Variants in TENT5B observed in about 807,000 individuals in gnomAD.
TENT5B encodes terminal nucleotidyltransferase 5B, also known as family with sequence similarity 46 member B.
In TENT5B, 12 loss-of-function variants were observed where a neutral mutation model predicts 21.7. The observed-to-expected ratio is 0.55, with a 90% confidence interval of 0.36 to 0.90. TENT5B has a LOEUF of 0.90. TENT5B is among the 40% of genes least tolerant of loss of function. The pLI, the probability that TENT5B is intolerant of heterozygous loss-of-function variation, is 0.01. For synonymous variants in TENT5B, 262 were observed against 266.6 expected (o/e 0.98, Z 0.17); for missense variants, 540 against 601.5 (o/e 0.90, Z 1.07).
At chr1:27,007,399 T>A (rs1570782476) in intron 1 of TENT5B, among the ~76,000 whole-genome samples, 1 of 151,798 alleles carries the variant, frequency 6.6e-6, no homozygotes, top group African/African-American at 2.4e-5. Flanking sequence ...CAAGTCTTTT[T>A]TTTTTTTTTT....
chr1:27,006,960 G>A lies in TENT5B; in HGVS notation c.265-3C>T, dbSNP rs373655071. On this transcript the variant is annotated splice_polypyrimidine_tract_variant and splice_region_variant and intron_variant, in intron 1 of 1. Coordinates refer to ENST00000289166, the MANE Select transcript of TENT5B (RefSeq NM_052943.4). The surrounding 1 kb of genome is among the most constrained non-coding windows in gnomAD (Gnocchi z 9.4). The stretch of plus-strand genomic sequence containing the variant: ...TCCTCCAGGGTGCTGCGGACCACCT[G>A]CAGGGGAGAGCAGGAAGGAGAGGTG... 1.9e-5 allele frequency: 30 copies of A among 1,566,682 alleles called. No homozygotes were observed. The highest frequency in any genetic ancestry group is 6.0e-5 in the South Asian group (5 of 83,970).
rs958823113 is a variant in TENT5B at position 27,012,619 on chromosome 1, C to T, written c.52G>A (p.Val18Met). Reference protein sequence around the residue: ...AERRDRAAAQVGTAAATAVAT... With the variant: ...AERRDRAAAQMGTAAATAVAT... ...ACCGCCGTGGCCGCAGCCGTCCCCA[C>T]CTGAGCAGCCGCCCGGTCCCTGCGC... Residue 18 changes from valine to methionine, a missense_variant, in exon 1 of 2, where the codon GTG becomes ATG. Transcript: ENST00000289166. 9 of 1,519,322 alleles carry T rather than the reference C, an allele frequency of 5.9e-6. No homozygotes were observed. The highest frequency in any genetic ancestry group is 5.7e-5 in the African/African-American group (4 of 70,750). 94.1% of individuals were successfully genotyped at this position (1,519,322 alleles called of 1,614,324 possible). A position where few individuals can be genotyped will look rare whatever the true frequency, so the allele number is the denominator to read the frequency against.
chr1:27,006,315 G>A lies in TENT5B; in HGVS notation c.907C>T (p.Arg303Cys). 3 of 1,611,002 alleles carry A rather than the reference G, an allele frequency of 1.9e-6. No homozygotes were observed. The highest frequency in any genetic ancestry group is 2.5e-6 in the Non-Finnish European group (3 of 1,178,646). Reference sequence around the variant, plus strand: ...ATGAAGAAGCGGGAGCACATGTAGCGCTGCAGGGCGCGCACATCGGTGCTG... The same window carrying A: ...ATGAAGAAGCGGGAGCACATGTAGCACTGCAGGGCGCGCACATCGGTGCTG... ...RPSTDVRALQ[R>C]YMCSRFFIDF... Residue 303 changes from arginine to cysteine, a missense_variant, in exon 2 of 2, where the codon CGC becomes TGC. By Grantham distance (180) the Arg-to-Cys change is radical (BLOSUM62 -3). Coordinates refer to ENST00000289166, the MANE Select transcript of TENT5B (RefSeq NM_052943.4). This position sits in a 1 kb window ranked among gnomAD's most constrained non-coding sequence, Gnocchi z 9.4.
chr1:27,006,923 T>G lies in TENT5B; in HGVS notation c.299A>C (p.His100Pro), dbSNP rs765646695. The part of the protein sequence containing the change: ...VRSTLEEQGL[H>P]VHSVRLHGSA... ...ACCATGCAGCCGCACACTGTGCACA[T>G]GTAGTCCCTGCTCCTCCAGGGTGCT... Residue 100 changes from histidine to proline, a missense_variant, in exon 2 of 2, where the codon CAT becomes CCT. Physicochemically the swap from His to Pro is moderately conservative, Grantham distance 77. Transcript: ENST00000289166. This position sits in a 1 kb window ranked among gnomAD's most constrained non-coding sequence, Gnocchi z 9.4. 1.3e-5 allele frequency: 21 copies of G among 1,603,460 alleles called. No homozygotes were observed. The highest frequency in any genetic ancestry group is 1.7e-5 in the Non-Finnish European group (20 of 1,172,928).
Position 27,012,758 on chromosome 1 carries a change from C to CG in TENT5B, c.-89dup, listed in dbSNP as rs1336767416. 1.3e-5 allele frequency: 17 copies of CG among 1,263,690 alleles called. No individual in the cohort carries two copies. Among genetic ancestry groups the CG allele is most frequent in the Non-Finnish European group, 1.6e-5 (16 of 994,120 alleles). 78.3% of individuals were successfully genotyped at this position (1,263,690 alleles called of 1,614,324 possible). A position where few individuals can be genotyped will look rare whatever the true frequency, so the allele number is the denominator to read the frequency against. On this transcript the variant is annotated 5_prime_UTR_variant, in exon 1 of 2. Coordinates refer to ENST00000289166, the MANE Select transcript of TENT5B (RefSeq NM_052943.4). ...GAGAGCGGCTGGGCAGGGGCCAAGG[C>CG]GGGGGGCACGAAGGCAGGGACGGGG...
At chr1:27,007,982 T>C (rs1473788297) in intron 1 of TENT5B, among the ~76,000 whole-genome samples, 2 of 152,116 alleles carry the variant, frequency 1.3e-5, no homozygotes, top group Non-Finnish European at 2.9e-5. Context: ...TCATCCTAAC[T>C]CATCCTTACA....
At chr1:27,007,399 T>C (rs1570782476) in intron 1 of TENT5B, among the ~76,000 whole-genome samples, 1 of 151,916 alleles carries the variant, frequency 6.6e-6, no homozygotes, top group Non-Finnish European at 1.5e-5. Context: ...CAAGTCTTTT[T>C]TTTTTTTTTT....
rs1240895155 is a variant in TENT5B, at chr1:27,012,435, A to G, written c.236T>C (p.Leu79Pro). ...PIHGRGNFPT[L>P]SVQPRQIVQV... ...CACGATCTGCCGGGGCTGCACGCTC[A>G]GCGTGGGGAAGTTGCCGCGCCCGTG... The change falls in exon 1 of 2, where the codon CTG (leucine) becomes CCG (proline). Residue 79 changes from leucine to proline, a missense_variant. Coordinates refer to ENST00000289166, the MANE Select transcript of TENT5B (RefSeq NM_052943.4). 2 of 1,613,064 alleles carry G rather than the reference A, an allele frequency of 1.2e-6. No homozygotes were observed. The highest frequency in any genetic ancestry group is 1.3e-5 in the African/African-American group (1 of 75,046).
rs1186602684 is a variant in TENT5B, at chr1:27,012,440, G to A, written c.231C>T (p.Pro77=). ...TCTGCCGGGGCTGCACGCTCAGCGT[G>A]GGGAAGTTGCCGCGCCCGTGAATGG... ...PIPIHGRGNF[P]TLSVQPRQIV... The change falls in exon 1 of 2, where the codon CCC becomes CCT. Residue 77 remains proline, a synonymous_variant. Transcript: ENST00000289166. 9 of 1,613,124 alleles carry A rather than the reference G, an allele frequency of 5.6e-6. No individual in the cohort carries two copies. Among genetic ancestry groups the A allele is most frequent in the Middle Eastern group, 1.7e-4 (1 of 6,060 alleles).
In TENT5B at chr1:27,006,111, C is replaced by T. The variant is rs745768470; in HGVS notation, c.1111G>A (p.Ala371Thr). ...ERRQTLDLIA[A>T]LALQALAEQG... is the part of the protein sequence containing the mutation. ...TCAGCCAGTGCCTGCAGCGCCAGTG[C>T]GGCAATGAGGTCCAGCGTCTGGCGG... Residue 371 changes from alanine (A) to threonine (T), a missense_variant, in exon 2 of 2, where the codon GCA (alanine) becomes ACA (threonine). Physicochemically the swap from Ala to Thr is moderately conservative, Grantham distance 58. Transcript: ENST00000289166. This position sits in a 1 kb window ranked among gnomAD's most constrained non-coding sequence, Gnocchi z 9.4. The T allele has an allele frequency of 1.2e-6, 2 of 1,608,758 alleles. No homozygotes were observed. Among genetic ancestry groups the T allele is most frequent in the Non-Finnish European group, 1.7e-6 (2 of 1,176,898 alleles).
At chr1:27,011,154 T>C (rs916718404) in intron 1 of TENT5B, among the ~76,000 whole-genome samples, 3 of 151,962 alleles carry the variant, frequency 2.0e-5, no homozygotes, top group African/African-American at 7.3e-5. Context: ...AGCCGAGGAA[T>C]GCCTCGGCGA....
In TENT5B at chr1:27,012,727, G is replaced by T; in HGVS notation, c.-57C>A. The T allele has an allele frequency of 7.1e-7, 1 of 1,414,538 alleles. No homozygotes were observed. The highest frequency in any genetic ancestry group is 1.5e-5 in the South Asian group (1 of 66,540). The allele number at this position is 1,414,538 out of a possible 1,614,324, so 87.6% of individuals were successfully genotyped here. ...CCGTGGGGGTGGTTAAGGGGAGGAGGACAGGGAGAGCGGCTGGGCAGGGGC... is the reference window on the plus strand; with the variant it reads ...CCGTGGGGGTGGTTAAGGGGAGGAGTACAGGGAGAGCGGCTGGGCAGGGGC... On this transcript the variant is annotated 5_prime_UTR_variant, in exon 1 of 2. Coordinates refer to ENST00000289166, the MANE Select transcript of TENT5B (RefSeq NM_052943.4).
In TENT5B at chr1:27,006,452, G is replaced by A. The variant is rs778532018; in HGVS notation, c.770C>T (p.Ala257Val). The A allele has an allele frequency of 3.1e-6, 5 of 1,613,734 alleles. No individual in the cohort carries two copies. In the Admixed American group the frequency reaches 6.7e-5, roughly 22 times the overall value. The change falls in exon 2 of 2, where the codon GCC (alanine) becomes GTC (valine). Residue 257 changes from alanine (A) to valine (V), a missense_variant. Coordinates refer to ENST00000289166, the MANE Select transcript of TENT5B (RefSeq NM_052943.4). The surrounding 1 kb of genome is among the most constrained non-coding windows in gnomAD (Gnocchi z 9.4). ...GESLYGDFTE[A>V]LEHLRHRVIA... is the part of the protein sequence containing the mutation. ...GACACGGTGCCGCAGGTGCTCCAGG[G>A]CCTCGGTGAAGTCCCCGTACAGGCT...
Position 27,005,956 on chromosome 1 carries a change from C to T in TENT5B, c.1266G>A (p.Leu422=). 1 of 1,561,446 alleles carries T rather than the reference C, an allele frequency of 6.4e-7. No individual in the cohort carries two copies. The highest frequency in any genetic ancestry group is 8.7e-7 in the Non-Finnish European group (1 of 1,149,902). ...GCCAGGGTCTGAGTCAGTTACAAGG[C>T]AGCCAGGTGGGATAGGCGTGAGCCA... is the stretch of plus-strand genomic sequence containing the variant. ...PLLAHAYPTW[L]PCN is the part of the protein sequence containing the mutation. Residue 422 remains leucine (L), a synonymous_variant, in exon 2 of 2, where the codon CTG becomes CTA. Transcript: ENST00000289166.
At position 27,005,273 on chromosome 1, in the gene TENT5B, T is replaced by C. The variant is rs2082590956; in HGVS notation, c.*671A>G. The C allele has an allele frequency of 6.6e-6, 1 of 152,616 alleles. No homozygotes were observed. The highest frequency in any genetic ancestry group is 2.1e-4 in the South Asian group (1 of 4,832). 9.5% of individuals were successfully genotyped at this position (152,616 alleles called of 1,614,324 possible). ...GTGGCACCCTGGAAGGGGCCTGGGC[T>C]GCGACCCACCCTGGGCTGCTTGGCT... On this transcript the variant is annotated 3_prime_UTR_variant, in exon 2 of 2. Transcript: ENST00000289166.
In TENT5B at chr1:27,006,206, C is replaced by T. The variant is rs2082597357; in HGVS notation, c.1016G>A (p.Arg339His). ...GTGCAGTGTCACCAGGCAGGCGTAACGGCGGGCTGCATCTGCCCCACCGAA... is the reference window on the plus strand; with the variant it reads ...GTGCAGTGTCACCAGGCAGGCGTAATGGCGGGCTGCATCTGCCCCACCGAA... ...AHFGGADAAR[R>H]YACLVTLHRV... Residue 339 changes from arginine to histidine, a missense_variant, in exon 2 of 2, where the codon CGT becomes CAT. Arg to His is a conservative substitution (Grantham distance 29). Coordinates refer to ENST00000289166, the MANE Select transcript of TENT5B (RefSeq NM_052943.4). This position sits in a 1 kb window ranked among gnomAD's most constrained non-coding sequence, Gnocchi z 9.4. 1.6e-5 allele frequency: 25 copies of T among 1,608,640 alleles called. No individual in the cohort carries two copies. The highest frequency in any genetic ancestry group is 2.0e-5 in the Non-Finnish European group (24 of 1,178,366).
At position 27,005,810 on chromosome 1, in the gene TENT5B, C is replaced by T; in HGVS notation, c.*134G>A. ...CGTGCTCGGGAAAGTCTGGTCTGTTCAATCAAAGGCCCAACCCTGCAGTGC... is the reference window on the plus strand; with the variant it reads ...CGTGCTCGGGAAAGTCTGGTCTGTTTAATCAAAGGCCCAACCCTGCAGTGC... On this transcript the variant is annotated 3_prime_UTR_variant, in exon 2 of 2. Transcript: ENST00000289166. 7.9e-7 allele frequency: 1 copy of T among 1,260,512 alleles called. No homozygotes were observed. Among genetic ancestry groups the T allele is most frequent in the Admixed American group, 2.9e-5 (1 of 34,380 alleles). The allele number at this position is 1,260,512 out of a possible 1,614,324, so 78.1% of individuals were successfully genotyped here.
At chr1:27,007,871 CAG>C (rs755095525) in intron 1 of TENT5B, among the ~76,000 whole-genome samples, 7 of 152,128 alleles carry the variant, frequency 4.6e-5, no homozygotes, top group Non-Finnish European at 8.8e-5. Flanking sequence ...ACCTCAGGTG[CAG>C]AGAGGTAAAG....
intron 1 of TENT5B, among the ~76,000 whole-genome samples, chr1:27,009,665 GC>G (rs572640626): frequency 6.6e-6 from 1 of 152,222 alleles, no homozygotes; most frequent in Non-Finnish European, 1.5e-5. Context: ...GAGAAGACCA[GC>G]CCCTTCCTCA....
Sources: gnomAD v4.1 joint callset for allele counts (sites outside exome capture counted in the v4.1 genomes callset) on GRCh38, gnomAD v4.1.1 for gene constraint, Gnocchi (gnomAD v3.1) non-coding constraint, MANE v1.5 for transcripts, NCBI Gene and HGNC (gene_info 2026-07-23, HGNC 2026-07-21) for gene names.